Variants in ENTREP2 observed in about 807,000 individuals in gnomAD.
ENTREP2 encodes the protein protein ENTREP2.
At chr15:29,462,319 C>G in the ENTREP2 span, among the ~76,000 whole-genome samples, 1 of 151,974 alleles carries the variant, frequency 6.6e-6, no homozygotes, top group Non-Finnish European at 1.5e-5. Context: ...TTTGAGGAAC[C>G]ACTACTCTCC....
chr15:29,543,121 T>G, the ENTREP2 span, among the ~76,000 whole-genome samples: 2 of 149,338 alleles, frequency 1.3e-5, no homozygotes, highest in African/African-American at 5.0e-5. Flanking sequence ...CTCTACATGT[T>G]AACTTCTTGC....
chr15:29,303,944 G>C, the ENTREP2 span, among the ~76,000 whole-genome samples: 1 of 151,850 alleles, frequency 6.6e-6, no homozygotes, highest in Admixed American at 6.6e-5. Context: ...GCAGTGGCGT[G>C]ATCTCGGCTC....
At chr15:29,218,218 G>A in the ENTREP2 span, among the ~76,000 whole-genome samples, 59 of 152,266 alleles carry the variant, frequency 3.9e-4, no homozygotes, top group East Asian at 9.3e-3. Context: ...TTTTTGTGCT[G>A]GTTGGCCTCC....
chr15:29,475,660 G>T, the ENTREP2 span, among the ~76,000 whole-genome samples: 1 of 152,182 alleles, frequency 6.6e-6, no homozygotes, highest in Admixed American at 6.5e-5. Context: ...AAAGAAATGA[G>T]GAGGAGGAGG....
At chr15:29,570,824 G>A in the ENTREP2 span, 2 of 374,450 alleles carry the variant, frequency 5.3e-6, no homozygotes, top group South Asian at 2.2e-4. Flanking sequence ...CGGGTGCAGG[G>A]ACGGCCTCCC....
the ENTREP2 span, among the ~76,000 whole-genome samples, chr15:29,391,268 C>T: frequency 1.3e-5 from 2 of 152,000 alleles, no homozygotes; most frequent in Non-Finnish European, 2.9e-5. Context: ...CATTCCCTCT[C>T]CCAGCCTTTC....
chr15:29,206,995 T>TA, the ENTREP2 span, among the ~76,000 whole-genome samples: 2 of 152,080 alleles, frequency 1.3e-5, no homozygotes, highest in Admixed American at 6.5e-5. Flanking sequence ...AGGGCCAACA[T>TA]AGACATGCTC....
chr15:29,606,510 G>A, the ENTREP2 span, among the ~76,000 whole-genome samples: 3 of 152,122 alleles, frequency 2.0e-5, no homozygotes, highest in East Asian at 5.8e-4. Context: ...CATGTTGGTA[G>A]CAATTTGCTA....
At chr15:29,254,470 T>C in the ENTREP2 span, among the ~76,000 whole-genome samples, 5 of 152,200 alleles carry the variant, frequency 3.3e-5, no homozygotes, top group South Asian at 2.1e-4. Context: ...TGTGCAGTGT[T>C]TGAATTAACC....
the ENTREP2 span, among the ~76,000 whole-genome samples, chr15:29,619,156 G>T: frequency 6.6e-6 from 1 of 152,336 alleles, no homozygotes; most frequent in South Asian, 2.1e-4. Flanking sequence ...ACTTTGGAAG[G>T]CCAAGACAGG....
At chr15:29,672,628 T>C in the ENTREP2 span, among the ~76,000 whole-genome samples, 2 of 152,074 alleles carry the variant, frequency 1.3e-5, no homozygotes, top group East Asian at 3.9e-4. Context: ...ACAGAGCCGA[T>C]TTATCAAGAC....
chr15:29,659,099 C>T, the ENTREP2 span, among the ~76,000 whole-genome samples: 16 of 152,110 alleles, frequency 1.1e-4, no homozygotes, highest in African/African-American at 3.6e-4. Flanking sequence ...TTTTTTTTCC[C>T]TGTGGGGATC....
the ENTREP2 span, among the ~76,000 whole-genome samples, chr15:29,396,531 A>AT: frequency 2.0e-5 from 3 of 152,012 alleles, no homozygotes; most frequent in Admixed American, 2.0e-4. Context: ...GAAATATGTG[A>AT]TTTTCCAGTA....
the ENTREP2 span, among the ~76,000 whole-genome samples, chr15:29,641,444 T>A: frequency 2.0e-5 from 3 of 152,146 alleles, no homozygotes; most frequent in Non-Finnish European, 4.4e-5. Flanking sequence ...ATATTAGAAC[T>A]AATAAATGAG....
At chr15:29,638,333 T>C in the ENTREP2 span, among the ~76,000 whole-genome samples, 331 of 152,306 alleles carry the variant, frequency 2.2e-3, no homozygotes, top group African/African-American at 7.7e-3. Context: ...CACTGGTCTC[T>C]ATCCACAGGA....
At chr15:29,654,988 A>G in the ENTREP2 span, among the ~76,000 whole-genome samples, 1 of 152,174 alleles carries the variant, frequency 6.6e-6, no homozygotes, top group African/African-American at 2.4e-5. Flanking sequence ...TGCTGTTTCT[A>G]TCTCTGTTTC....
chr15:29,344,161 G>A, the ENTREP2 span, among the ~76,000 whole-genome samples: 1 of 152,186 alleles, frequency 6.6e-6, no homozygotes, highest in Non-Finnish European at 1.5e-5. Flanking sequence ...GCCAGGCCAC[G>A]ACCTGGGCTG....
chr15:29,402,292 T>TTGTGTGTG, the ENTREP2 span, among the ~76,000 whole-genome samples: 5,663 of 130,646 alleles, frequency 0.043, 158 homozygotes, highest in Middle Eastern at 0.085. Flanking sequence ...GTATATTGTA[T>TTGTGTGTG]TGTGTGTGTG....
chr15:29,154,695 GCA>G, the ENTREP2 span, among the ~76,000 whole-genome samples: 1 of 152,182 alleles, frequency 6.6e-6, no homozygotes, highest in Non-Finnish European at 1.5e-5. Context: ...TAGGATGTGG[GCA>G]CACAGAGTCT....
Sources: allele counts gnomAD v4.1 joint callset (sites outside exome capture counted in the v4.1 genomes callset), GRCh38; gene constraint gnomAD v4.1.1; transcripts MANE v1.5; gene names NCBI Gene and HGNC (gene_info 2026-07-23, HGNC 2026-07-21).